CACNA2D1: variants seen among roughly 807,000 people sequenced by gnomAD.
CACNA2D1 encodes the protein voltage-dependent calcium channel subunit alpha-2/delta-1.
In CACNA2D1, 53 loss-of-function variants were observed where a neutral mutation model predicts 171.5. The observed-to-expected ratio is 0.31, with a 90% CI of 0.25 to 0.39. CACNA2D1 has a LOEUF of 0.39. CACNA2D1 is among the 10% of genes least tolerant of loss of function. The pLI is 1.00. For missense variants in CACNA2D1, 903 were observed against 1,299.8 expected (o/e 0.69, Z 4.69); for synonymous variants, 442 against 443.1 (o/e 1.00, Z 0.03).
At chr7:82,018,149 G>A (rs542343687) in intron 12 of CACNA2D1, among the ~76,000 whole-genome samples, 2 of 152,262 alleles carry the variant, frequency 1.3e-5, no homozygotes, top group Admixed American at 6.5e-5. Flanking sequence ...AGATGGCTTT[G>A]ACAAATATTT....
chr7:82,084,933 C>G (rs146604825), intron 6 of CACNA2D1, 33 bp from the exon 7 acceptor site: 2 of 1,549,306 alleles, frequency 1.3e-6, no homozygotes, highest in Admixed American at 1.7e-5. Context: ...TTAATTAATT[C>G]AAATTTGTAA....
chr7:82,027,699 C>T (rs1298198768), intron 12 of CACNA2D1: 2 of 151,716 alleles, frequency 1.3e-5, no homozygotes, highest in African/African-American at 4.8e-5. Context: ...TCCACTGTTG[C>T]CATTTTTCCA....
chr7:82,109,221 G>T (rs1249425375), intron 6 of CACNA2D1, among the ~76,000 whole-genome samples: 1 of 149,692 alleles, frequency 6.7e-6, no homozygotes, highest in Non-Finnish European at 1.5e-5. Context: ...CAGAATTAAA[G>T]AACCCTTTTT....
intron 12 of CACNA2D1, among the ~76,000 whole-genome samples, chr7:82,031,724 A>G (rs927821993): frequency 6.6e-6 from 1 of 151,932 alleles, no homozygotes; most frequent in Non-Finnish European, 1.5e-5. Flanking sequence ...CATTATTCAC[A>G]ATATTTTGTC....
chr7:82,228,529 T>C (rs1342099305), intron 3 of CACNA2D1, among the ~76,000 whole-genome samples: 1 of 131,340 alleles, frequency 7.6e-6, no homozygotes, highest in Admixed American at 7.6e-5. Flanking sequence ...AAAAACATTT[T>C]AGTTCTTAGA....
intron 7 of CACNA2D1, among the ~76,000 whole-genome samples, chr7:82,082,746 T>C (rs1377394782): frequency 6.6e-6 from 1 of 151,372 alleles, no homozygotes; most frequent in South Asian, 2.1e-4. Context: ...CCTGCCTCTA[T>C]CAAGACCACA....
At chr7:81,985,627 C>G (rs1284284928) in intron 21 of CACNA2D1, among the ~76,000 whole-genome samples, 1 of 152,120 alleles carries the variant, frequency 6.6e-6, no homozygotes, top group Non-Finnish European at 1.5e-5. Context: ...ACTGCACTAA[C>G]AGAAATTGTT....
chr7:82,158,626 G>A (rs541710677), intron 4 of CACNA2D1, among the ~76,000 whole-genome samples: 2 of 151,958 alleles, frequency 1.3e-5, no homozygotes, highest in African/African-American at 2.4e-5. Context: ...TGAAGTCTTA[G>A]GTGAATAATT....
chr7:82,173,619 G>C (rs912780673), intron 3 of CACNA2D1, among the ~76,000 whole-genome samples: 1 of 148,140 alleles, frequency 6.8e-6, no homozygotes, highest in Non-Finnish European at 1.5e-5. Flanking sequence ...CAAACCAGCC[G>C]GTCATTACTT....
chr7:82,121,535 A>G (rs1340201200), intron 5 of CACNA2D1, among the ~76,000 whole-genome samples: 1 of 152,196 alleles, frequency 6.6e-6, no homozygotes, highest in Non-Finnish European at 1.5e-5. Context: ...ATCTAGTACA[A>G]TGACAATAAG....
chr7:82,134,027 C>G (rs1364164994), intron 5 of CACNA2D1, among the ~76,000 whole-genome samples: 1 of 151,348 alleles, frequency 6.6e-6, no homozygotes, highest in African/African-American at 2.4e-5. Context: ...GAACCGAGAT[C>G]GCACCACTGT....
intron 12 of CACNA2D1, among the ~76,000 whole-genome samples, chr7:82,015,542 A>T (rs1004534023): frequency 1.3e-5 from 2 of 152,144 alleles, no homozygotes; most frequent in African/African-American, 2.4e-5. Flanking sequence ...GTCAACCTAT[A>T]CTTAATAAAA....
intron 1 of CACNA2D1, among the ~76,000 whole-genome samples, chr7:82,428,623 ACTAAC>A (rs1229867857): frequency 2.0e-5 from 3 of 152,220 alleles, no homozygotes; most frequent in African/African-American, 2.4e-5. Context: ...AGATGAAAGA[ACTAAC>A]ACTTTTCACC....
chr7:82,156,418 A>G (rs1307700884), intron 4 of CACNA2D1, among the ~76,000 whole-genome samples: 1 of 152,142 alleles, frequency 6.6e-6, no homozygotes, highest in Non-Finnish European at 1.5e-5. Flanking sequence ...ACTGCTATAG[A>G]TCAGTCTTTT....
chr7:82,443,509 G>A lies in CACNA2D1; in HGVS notation c.-50C>T. The stretch of plus-strand genomic sequence containing the variant: ...CCTCCCTGCCCAAGCGGGGGAAGGA[G>A]CGGCGCTGGAAACCGCGGGCGGAGG... On this transcript the variant is annotated 5_prime_UTR_variant, in exon 1 of 39. Transcript: ENST00000356860. 1 of 1,591,104 alleles carries A rather than the reference G, an allele frequency of 6.3e-7. No individual in the cohort carries two copies. The highest frequency in any genetic ancestry group is 8.6e-7 in the Non-Finnish European group (1 of 1,169,206).
chr7:82,114,915 G>A (rs1788868190), intron 6 of CACNA2D1, among the ~76,000 whole-genome samples: 1 of 152,070 alleles, frequency 6.6e-6, no homozygotes, highest in Non-Finnish European at 1.5e-5. Context: ...TAAACAAAAT[G>A]TTCATAGAGC....
chr7:82,094,103 A>G (rs1234020907), intron 6 of CACNA2D1, among the ~76,000 whole-genome samples: 2 of 152,208 alleles, frequency 1.3e-5, no homozygotes, highest in African/African-American at 4.8e-5. Flanking sequence ...GTTTGTGTCA[A>G]CCAGTTTTAG....
intron 6 of CACNA2D1, among the ~76,000 whole-genome samples, chr7:82,092,057 T>C (rs369877182): frequency 8.1e-4 from 124 of 152,332 alleles, no homozygotes; most frequent in African/African-American, 2.6e-3. Flanking sequence ...GTGTCTTACA[T>C]AGACAACAAC....
intron 7 of CACNA2D1, among the ~76,000 whole-genome samples, chr7:82,078,878 G>C (rs528118630): frequency 1.3e-5 from 2 of 150,416 alleles, no homozygotes; most frequent in South Asian, 4.2e-4. Flanking sequence ...AGAGGAGAAA[G>C]AGGAAGAAGA....
Sources: allele counts gnomAD v4.1 joint callset (sites outside exome capture counted in the v4.1 genomes callset), GRCh38; gene constraint gnomAD v4.1.1; transcripts MANE v1.5; gene names NCBI Gene and HGNC (gene_info 2026-07-23, HGNC 2026-07-21).